Variants in NALF1 observed in about 807,000 individuals in gnomAD.
The protein encoded by NALF1 is family with sequence similarity 155 member A.
NALF1 carries 3 observed loss-of-function variants against 48.4 expected under a neutral mutation model. That is an observed-to-expected ratio of 0.06 (90% confidence interval 0.03 to 0.16). NALF1 has a LOEUF of 0.16. NALF1 is among the 10% of genes least tolerant of loss of function. The probability of loss-of-function intolerance (pLI) is 1.00; values close to 1 mark genes in which losing one functional copy is unlikely to be tolerated. For synonymous variants in NALF1, 262 were observed against 245.7 expected (o/e 1.07, Z -0.62); for missense variants, 526 against 571.5 (o/e 0.92, Z 0.81).
intron 1 of NALF1, among the ~76,000 whole-genome samples, chr13:107,837,786 A>C (rs1008225077): frequency 5.3e-5 from 8 of 152,174 alleles, no homozygotes; most frequent in African/African-American, 1.7e-4. Context: ...AGGATGATGA[A>C]TGAAAATGAT....
At chr13:107,445,257 C>G (rs536419687) in intron 1 of NALF1, among the ~76,000 whole-genome samples, 1 of 152,158 alleles carries the variant, frequency 6.6e-6, no homozygotes, top group Non-Finnish European at 1.5e-5. Context: ...GCCCTCTCTC[C>G]GAAGTCCCTG....
intron 1 of NALF1, among the ~76,000 whole-genome samples, chr13:107,340,388 G>A (rs1341867646): frequency 6.6e-6 from 1 of 151,536 alleles, no homozygotes; most frequent in African/African-American, 2.4e-5. Flanking sequence ...TGATCCGTTC[G>A]CTTCAGCCTC....
chr13:107,749,527 T>C (rs997393711), intron 1 of NALF1, among the ~76,000 whole-genome samples: 113 of 152,096 alleles, frequency 7.4e-4, no homozygotes, highest in Middle Eastern at 3.4e-3. Context: ...CCAAAATCTA[T>C]CATTCTAGCA....
chr13:107,330,280 C>A (rs1882444310), intron 1 of NALF1, among the ~76,000 whole-genome samples: 1 of 152,178 alleles, frequency 6.6e-6, no homozygotes, highest in Non-Finnish European at 1.5e-5. Context: ...GAAACGTTGT[C>A]TACTTGATGT....
chr13:107,740,294 T>C (rs1470169757), intron 1 of NALF1, among the ~76,000 whole-genome samples: 3 of 152,302 alleles, frequency 2.0e-5, no homozygotes, highest in South Asian at 2.1e-4. Context: ...AAATGCAGAA[T>C]GGGGCCACCT....
chr13:107,407,116 T>A (rs546453910), intron 1 of NALF1, among the ~76,000 whole-genome samples: 4 of 151,964 alleles, frequency 2.6e-5, no homozygotes, highest in African/African-American at 7.2e-5. Flanking sequence ...AAAAATCATA[T>A]AAAAATGGAT....
intron 1 of NALF1, among the ~76,000 whole-genome samples, chr13:107,718,297 GGGGA>G (rs2138525205): frequency 6.6e-6 from 1 of 152,200 alleles, no homozygotes; most frequent in Non-Finnish European, 1.5e-5. Context: ...ATGGACTTAC[GGGGA>G]GTAGTCCCTA....
chr13:107,197,076 G>A (rs1239099844), intron 2 of NALF1, among the ~76,000 whole-genome samples: 1 of 152,122 alleles, frequency 6.6e-6, no homozygotes, highest in Non-Finnish European at 1.5e-5. Flanking sequence ...GGCTTTGTAA[G>A]AAGAGGAAGA....
chr13:107,619,552 G>A (rs978107016), intron 1 of NALF1, among the ~76,000 whole-genome samples: 5 of 152,112 alleles, frequency 3.3e-5, no homozygotes, highest in African/African-American at 9.7e-5. Flanking sequence ...ATTTTAACAC[G>A]TTGCATTTTT....
At chr13:107,287,449 G>A (rs1410511176) in intron 1 of NALF1, among the ~76,000 whole-genome samples, 1 of 152,144 alleles carries the variant, frequency 6.6e-6, no homozygotes, top group Non-Finnish European at 1.5e-5. Context: ...CCTCTCAGGA[G>A]CCTGGGTGGT....
At chr13:107,801,355 G>A (rs1398114120) in intron 1 of NALF1, among the ~76,000 whole-genome samples, 1 of 152,184 alleles carries the variant, frequency 6.6e-6, no homozygotes, top group Non-Finnish European at 1.5e-5. Context: ...ATTAAATGGT[G>A]TACTAGGATG....
chr13:107,240,408 A>T (rs534547983), intron 1 of NALF1, among the ~76,000 whole-genome samples: 1 of 152,244 alleles, frequency 6.6e-6, no homozygotes, highest in Non-Finnish European at 1.5e-5. Context: ...AGTTCACTTC[A>T]TCTCTATCTC....
At position 107,629,001 on chromosome 13, in the gene NALF1, T is replaced by C. The variant is rs112767384; in HGVS notation, c.915+236681A>G. On this transcript the variant is annotated intron_variant, in intron 1 of 2. Coordinates refer to ENST00000375915, the MANE Select transcript of NALF1 (RefSeq NM_001080396.3). ...TACTTACAGTCTGTTCTCCAGTACA[T>C]AAAACTTTACTTAGAAGAAGTTGTA... Among the ~76,000 whole-genome samples the C allele has an allele frequency of 2.3e-3, 351 of 152,282 alleles. 1 individual carries two copies. The highest frequency in any genetic ancestry group is 0.01 in the Middle Eastern group (3 of 294).
chr13:107,536,402 T>C (rs895016250), intron 1 of NALF1, among the ~76,000 whole-genome samples: 3 of 151,824 alleles, frequency 2.0e-5, no homozygotes, highest in Admixed American at 1.3e-4. Flanking sequence ...AACAACCCCA[T>C]CAAAAAGTGG....
intron 1 of NALF1, among the ~76,000 whole-genome samples, chr13:107,301,043 G>A (rs984497869): frequency 3.9e-5 from 6 of 152,098 alleles, no homozygotes; most frequent in Non-Finnish European, 7.4e-5. Context: ...AACCAATCTT[G>A]CAATATTTGC....
chr13:107,784,143 T>C (rs1403104466), intron 1 of NALF1, among the ~76,000 whole-genome samples: 2 of 152,138 alleles, frequency 1.3e-5, no homozygotes, highest in Non-Finnish European at 2.9e-5. Context: ...AGGATCTACA[T>C]ATACTTGTTT....
At chr13:107,795,423 T>G (rs1252439219) in intron 1 of NALF1, among the ~76,000 whole-genome samples, 1 of 152,062 alleles carries the variant, frequency 6.6e-6, no homozygotes, top group East Asian at 1.9e-4. Context: ...TTGGAAAGTG[T>G]CATTAAACAA....
intron 1 of NALF1, among the ~76,000 whole-genome samples, chr13:107,581,645 G>T (rs1015758744): frequency 6.6e-6 from 1 of 152,146 alleles, no homozygotes; most frequent in Admixed American, 6.6e-5. Context: ...CAAAATGAGT[G>T]TATATTCCAA....
At chr13:107,257,490 CT>C (rs34197611) in intron 1 of NALF1, among the ~76,000 whole-genome samples, 88,117 of 146,972 alleles carry the variant, frequency 0.6, 26,483 homozygotes, top group South Asian at 0.68. Context: ...GTTTCTTCTG[CT>C]TTTTTTTTTT....
Sources: gnomAD v4.1 joint callset for allele counts (sites outside exome capture counted in the v4.1 genomes callset) on GRCh38, gnomAD v4.1.1 for gene constraint, MANE v1.5 for transcripts, NCBI Gene and HGNC (gene_info 2026-07-23, HGNC 2026-07-21) for gene names.